Variants in DGKH observed in about 807,000 individuals in gnomAD.
The protein encoded by DGKH is DAG kinase eta.
DGKH carries 90 observed loss-of-function variants against 159.3 expected under a neutral mutation model. That is an observed-to-expected ratio of 0.57 (90% CI 0.48 to 0.67). The LOEUF is 0.67. DGKH is among the 30% of genes least tolerant of loss of function. DGKH has a pLI of 0.00. For synonymous variants in DGKH, 536 were observed against 553.8 expected (o/e 0.97, Z 0.45); for missense variants, 1,181 against 1,506.1 (o/e 0.78, Z 3.57).
At chr13:42,051,540 A>T (rs1163466812) in intron 1 of DGKH, among the ~76,000 whole-genome samples, 1 of 152,060 alleles carries the variant, frequency 6.6e-6, no homozygotes, top group Non-Finnish European at 1.5e-5. Context: ...ATGAGAATTA[A>T]GGAAGGATCT....
intron 3 of DGKH, among the ~76,000 whole-genome samples, chr13:42,135,489 C>CACAA (rs1223953901): frequency 2.0e-5 from 1 of 50,990 alleles, no homozygotes; most frequent in Admixed American, 3.3e-4. Flanking sequence ...GACCCTGTCT[C>CACAA]AGAAAAAAAA....
chr13:42,183,202 T>C (rs1321515530), intron 13 of DGKH, among the ~76,000 whole-genome samples: 3 of 151,918 alleles, frequency 2.0e-5, no homozygotes, highest in African/African-American at 7.3e-5. Context: ...GTTGAGAGGA[T>C]CCTTTGAGCA....
chr13:42,252,940 G>A (rs919018611), intron 30 of DGKH, among the ~76,000 whole-genome samples: 3 of 152,048 alleles, frequency 2.0e-5, no homozygotes, highest in Non-Finnish European at 2.9e-5. Context: ...TAGAGACAGG[G>A]TATCACTATG....
Position 42,094,859 on chromosome 13 carries a change from A to G in DGKH, c.193-32604A>G, listed in dbSNP as rs536506648. 1.2e-4 allele frequency among the ~76,000 whole-genome samples: 18 copies of G among 152,304 alleles called. No individual in the cohort carries two copies. The South Asian group carries it at 3.5e-3, about 30-fold the overall frequency. ...CTACCACTCACTTATTTCCTGCCAG[A>G]TTTTTAGCAATTGTGTTTGAAAAGA... On this transcript the variant is annotated intron_variant, in intron 1 of 29. Transcript: ENST00000337343.
intron 3 of DGKH, among the ~76,000 whole-genome samples, chr13:42,136,734 G>A (rs967423889): frequency 2.0e-5 from 3 of 152,212 alleles, no homozygotes; most frequent in South Asian, 2.1e-4. Context: ...TCATGGGTAC[G>A]GCACACCCAC....
chr13:42,213,951 TG>T (rs1257951953), intron 24 of DGKH, among the ~76,000 whole-genome samples: 1 of 152,238 alleles, frequency 6.6e-6, no homozygotes, highest in Non-Finnish European at 1.5e-5. Context: ...ATTCCGATCC[TG>T]GCTCTACGAT....
At chr13:42,200,305 T>TA (rs1382066325) in intron 20 of DGKH, among the ~76,000 whole-genome samples, 3 of 152,232 alleles carry the variant, frequency 2.0e-5, no homozygotes, top group Non-Finnish European at 4.4e-5. Context: ...TTAATTTAAA[T>TA]ATACGTTTAT....
Position 42,155,338 on chromosome 13 carries a change from G to A in DGKH, c.432G>A (p.Lys144=). 1 of 1,612,820 alleles carries A rather than the reference G, an allele frequency of 6.2e-7. No homozygotes were observed. Among genetic ancestry groups the A allele is most frequent in the Non-Finnish European group, 8.5e-7 (1 of 1,179,744 alleles). Residue 144 remains lysine (K), a synonymous_variant, in exon 4 of 30, where the codon AAG becomes AAA. Transcript: ENST00000337343. ...RRLMLCAENR[K]EMEDWISSLK... Reference sequence around the variant, plus strand: ...TAATGCTGTGTGCTGAGAACAGAAAGGAGATGGAGGATTGGATCAGCTCAC... The same window carrying A: ...TAATGCTGTGTGCTGAGAACAGAAAAGAGATGGAGGATTGGATCAGCTCAC...
chr13:42,096,122 G>T (rs762815628), intron 1 of DGKH, among the ~76,000 whole-genome samples: 4 of 151,970 alleles, frequency 2.6e-5, no homozygotes, highest in African/African-American at 4.8e-5. Flanking sequence ...ATGTTCAGGG[G>T]GGTCCATGTG....
chr13:42,162,740 G>A (rs567227873), intron 7 of DGKH, among the ~76,000 whole-genome samples: 72 of 152,180 alleles, frequency 4.7e-4, no homozygotes, highest in African/African-American at 1.6e-3. Context: ...GGAGGTGGAG[G>A]TTGCAGTGAG....
At chr13:42,114,857 T>G (rs1954935125) in intron 1 of DGKH, among the ~76,000 whole-genome samples, 1 of 152,242 alleles carries the variant, frequency 6.6e-6, no homozygotes, top group Non-Finnish European at 1.5e-5. Flanking sequence ...TGTCTCTTTA[T>G]GTACTTTGTA....
rs552903647 is a variant in DGKH at position 42,151,144 on chromosome 13, T to C, written c.385-4147T>C. Among the ~76,000 whole-genome samples, 61 of 152,252 alleles carry C rather than the reference T, an allele frequency of 4.0e-4. 1 individual carries two copies. In the South Asian group the frequency reaches 0.012, roughly 31 times the overall value. On this transcript the variant is annotated intron_variant, in intron 3 of 29. Transcript: ENST00000337343. ...ATTTTATTTTATTCATTTTTAAAAATAGATTTAGAGGGTACAGGAGCAGCT... is the reference window on the plus strand; with the variant it reads ...ATTTTATTTTATTCATTTTTAAAAACAGATTTAGAGGGTACAGGAGCAGCT...
chr13:42,206,231 A>T (rs17063019), intron 21 of DGKH, 85 bp downstream of exon 21: 80,621 of 767,072 alleles, frequency 0.11, 4,576 homozygotes, highest in Middle Eastern at 0.12. Context: ...GCTGTTGAAT[A>T]GTAGTTTAAT....
chr13:42,141,099 G>T (rs1247665742), intron 3 of DGKH, among the ~76,000 whole-genome samples: 2 of 132,114 alleles, frequency 1.5e-5, no homozygotes, highest in African/African-American at 5.8e-5. Flanking sequence ...TCCCCTTCCT[G>T]TGTCCATGTG....
intron 3 of DGKH, among the ~76,000 whole-genome samples, chr13:42,154,229 G>A (rs1331338944): frequency 6.6e-6 from 1 of 152,164 alleles, no homozygotes; most frequent in Non-Finnish European, 1.5e-5. Flanking sequence ...TTTAACTTGA[G>A]AAAAATTCTT....
chr13:42,250,064 G>A (rs186819421), intron 29 of DGKH, among the ~76,000 whole-genome samples: 1,744 of 151,546 alleles, frequency 0.012, 12 homozygotes, highest in Non-Finnish European at 0.018. Flanking sequence ...TCCGCCTCTC[G>A]GGTTCAAGCG....
intron 3 of DGKH, 64 bp from the exon 4 acceptor site, chr13:42,155,227 T>C: frequency 2.4e-6 from 3 of 1,254,924 alleles, no homozygotes; most frequent in Non-Finnish European, 3.3e-6. Context: ...CAGAAGATGT[T>C]AGGTTTTGCA....
intron 1 of DGKH, among the ~76,000 whole-genome samples, chr13:42,062,986 C>G (rs754072827): frequency 6.6e-6 from 1 of 151,740 alleles, no homozygotes; most frequent in Non-Finnish European, 1.5e-5. Flanking sequence ...CTTGGTGGCT[C>G]TCATAAAAAC....
intron 3 of DGKH, among the ~76,000 whole-genome samples, chr13:42,133,372 T>C (rs1396911773): frequency 6.6e-6 from 1 of 152,196 alleles, no homozygotes; most frequent in Non-Finnish European, 1.5e-5. Flanking sequence ...TTCAACCAAA[T>C]ACTATTTTTT....
Sources: gnomAD v4.1 joint callset for allele counts (sites outside exome capture counted in the v4.1 genomes callset) on GRCh38, gnomAD v4.1.1 for gene constraint, MANE v1.5 for transcripts, NCBI Gene and HGNC (gene_info 2026-07-23, HGNC 2026-07-21) for gene names.